SNX29: variants seen among roughly 807,000 people sequenced by gnomAD.
The protein encoded by SNX29 is sorting nexin 29, also known as sorting nexin-29.
SNX29 carries 78 observed loss-of-function variants against 102.1 expected under a neutral mutation model. That is an observed-to-expected ratio of 0.76 (90% CI 0.64 to 0.92). The LOEUF (loss-of-function observed/expected upper bound fraction) is 0.92. SNX29 is among the 40% of genes least tolerant of loss of function. The probability of loss-of-function intolerance (pLI) is 0.00; values close to 1 mark genes in which losing one functional copy is unlikely to be tolerated. For missense variants in SNX29, 1,280 were observed against 1,061.7 expected (o/e 1.21, Z -2.86); for synonymous variants, 580 against 414.5 (o/e 1.40, Z -4.85).
chr16:12,197,235 T>C (rs536955819), intron 13 of SNX29, among the ~76,000 whole-genome samples: 1 of 152,272 alleles, frequency 6.6e-6, no homozygotes, highest in East Asian at 1.9e-4. Context: ...GGGAGTAGGC[T>C]GGGCTGGGCA....
At chr16:12,019,405 CTG>C (rs1170323628) in intron 3 of SNX29, among the ~76,000 whole-genome samples, 4 of 151,864 alleles carry the variant, frequency 2.6e-5, no homozygotes, top group Admixed American at 2.0e-4. Context: ...CAGGGTTTCA[CTG>C]TGTTAGCCAG....
At chr16:12,505,127 C>A (rs1225952559) in intron 19 of SNX29, among the ~76,000 whole-genome samples, 3 of 152,140 alleles carry the variant, frequency 2.0e-5, no homozygotes, top group Middle Eastern at 3.4e-3. Context: ...GAGGAAAAAA[C>A]AAAAAGAGAC....
At chr16:12,247,468 C>A (rs903251738) in intron 14 of SNX29, among the ~76,000 whole-genome samples, 3 of 152,198 alleles carry the variant, frequency 2.0e-5, no homozygotes, top group Non-Finnish European at 4.4e-5. Flanking sequence ...TTCCGACTTA[C>A]AGCAGCTCCT....
At chr16:12,561,150 G>A (rs568342299) in intron 20 of SNX29, 2 of 229,484 alleles carry the variant, frequency 8.7e-6, no homozygotes, top group Admixed American at 5.7e-5. Flanking sequence ...GTGTTGCCTA[G>A]GAATGAATTC....
chr16:12,526,790 C>G (rs531161181), intron 20 of SNX29: 2 of 419,334 alleles, frequency 4.8e-6, no homozygotes, highest in Non-Finnish European at 9.0e-6. Context: ...CCACCCCCTG[C>G]GGGGTCCACA....
intron 20 of SNX29, among the ~76,000 whole-genome samples, chr16:12,542,827 G>A (rs1160924947): frequency 6.6e-6 from 1 of 151,950 alleles, no homozygotes; most frequent in East Asian, 1.9e-4. Context: ...ATCCTGTAAG[G>A]TGTGTGGACC....
intron 20 of SNX29, among the ~76,000 whole-genome samples, chr16:12,551,170 A>T (rs960100561): frequency 6.6e-6 from 1 of 152,148 alleles, no homozygotes; most frequent in African/African-American, 2.4e-5. Flanking sequence ...CCTCAGTACC[A>T]TCGTGCAGAC....
intron 18 of SNX29, among the ~76,000 whole-genome samples, chr16:12,441,892 T>C (rs2151674132): frequency 6.6e-6 from 1 of 152,222 alleles, no homozygotes; most frequent in East Asian, 1.9e-4. Flanking sequence ...GGATTCAGGC[T>C]ATTCTCCTGT....
intron 19 of SNX29, among the ~76,000 whole-genome samples, chr16:12,501,201 G>T (rs533165244): frequency 6.6e-5 from 10 of 152,204 alleles, no homozygotes; most frequent in Admixed American, 4.6e-4. Flanking sequence ...TTCAAAACCA[G>T]CCTGGGCAAC....
At chr16:12,318,961 C>G (rs1009209919) in intron 15 of SNX29, among the ~76,000 whole-genome samples, 4 of 152,154 alleles carry the variant, frequency 2.6e-5, no homozygotes, top group African/African-American at 9.7e-5. Flanking sequence ...TTACCCTTAT[C>G]TTGTCTCCTG....
At chr16:11,994,057 G>A (rs927320922) in intron 1 of SNX29, among the ~76,000 whole-genome samples, 1 of 152,174 alleles carries the variant, frequency 6.6e-6, no homozygotes, top group African/African-American at 2.4e-5. Context: ...GGAGGCAGAG[G>A]TTGCAGTGAG....
intron 16 of SNX29, among the ~76,000 whole-genome samples, chr16:12,371,617 C>T (rs538866155): frequency 6.6e-6 from 1 of 152,226 alleles, no homozygotes; most frequent in South Asian, 2.1e-4. Flanking sequence ...ATTTTTATTT[C>T]TGTTCGGGGA....
intron 18 of SNX29, among the ~76,000 whole-genome samples, chr16:12,470,922 T>A (rs1196925948): frequency 6.6e-6 from 1 of 152,174 alleles, no homozygotes; most frequent in Non-Finnish European, 1.5e-5. Context: ...CCAGTGACAT[T>A]GGCATTGGCC....
At chr16:12,513,370 TCTGCC>T (rs903072170) in intron 19 of SNX29, among the ~76,000 whole-genome samples, 10 of 148,600 alleles carry the variant, frequency 6.7e-5, no homozygotes, top group Non-Finnish European at 3.0e-5. Context: ...TCAGCCTTCC[TCTGCC>T]CTGCCCTGCT....
chr16:12,527,786 A>AT (rs768812910), intron 20 of SNX29, among the ~76,000 whole-genome samples: 8 of 151,056 alleles, frequency 5.3e-5, no homozygotes, highest in Non-Finnish European at 1.0e-4. Flanking sequence ...TTTAGCCAGT[A>AT]TAGTGGGGTT....
intron 14 of SNX29, among the ~76,000 whole-genome samples, chr16:12,238,280 C>T (rs1375388485): frequency 2.7e-5 from 4 of 149,510 alleles, no homozygotes; most frequent in Admixed American, 6.7e-5. Context: ...CTCTCCATTC[C>T]ATGGCAGCCT....
At chr16:12,450,770 C>T (rs1212254803) in intron 18 of SNX29, among the ~76,000 whole-genome samples, 1 of 152,142 alleles carries the variant, frequency 6.6e-6, no homozygotes, top group Non-Finnish European at 1.5e-5. Context: ...ATGATTGGAG[C>T]TTTAGGCCAA....
At chr16:12,286,094 C>T (rs140277671) in intron 15 of SNX29, among the ~76,000 whole-genome samples, 1 of 151,790 alleles carries the variant, frequency 6.6e-6, no homozygotes, top group Non-Finnish European at 1.5e-5. Flanking sequence ...CCTCCCACCT[C>T]GGCCTCCCAA....
intron 14 of SNX29, among the ~76,000 whole-genome samples, chr16:12,220,846 A>G (rs760682769): frequency 2.6e-5 from 4 of 152,236 alleles, no homozygotes; most frequent in African/African-American, 9.6e-5. Context: ...TAGGCTGGCT[A>G]TATTCTGCAG....
Sources: gnomAD v4.1 joint callset for allele counts (sites outside exome capture counted in the v4.1 genomes callset) on GRCh38, gnomAD v4.1.1 for gene constraint, MANE v1.5 for transcripts, NCBI Gene and HGNC (gene_info 2026-07-23, HGNC 2026-07-21) for gene names.